Variants in STAU2 observed in about 807,000 individuals in gnomAD.
The protein encoded by STAU2 is staufen double-stranded RNA binding protein 2, also known as double-stranded RNA-binding protein Staufen homolog 2.
Under a neutral mutation model 65.9 loss-of-function variants are expected in STAU2, and 20 were observed. That is an observed-to-expected ratio of 0.30 (90% CI 0.21 to 0.44). STAU2 has a LOEUF of 0.44. STAU2 is among the 20% of genes least tolerant of loss of function. STAU2 has a pLI of 1.00. For synonymous variants in STAU2, 232 were observed against 233.9 expected, an observed-to-expected ratio of 0.99 and a Z score of 0.07; for missense variants, 558 against 683.9, an observed-to-expected ratio of 0.82 and a Z score of 2.05.
chr8:73,550,331 G>A, intron 13 of STAU2: 1 of 983,276 alleles, frequency 1.0e-6, no homozygotes, highest in Non-Finnish European at 1.2e-6. Context: ...GTGAAGATAT[G>A]TTAAAATTAT....
chr8:73,500,812 A>G (rs1176570020), intron 13 of STAU2, among the ~76,000 whole-genome samples: 1 of 151,922 alleles, frequency 6.6e-6, no homozygotes, highest in African/African-American at 2.4e-5. Context: ...GATTACACAA[A>G]TAATAAGTAA....
intron 13 of STAU2, chr8:73,551,222 G>T (rs1807313004): frequency 1.0e-6 from 1 of 987,500 alleles, no homozygotes; most frequent in Non-Finnish European, 1.2e-6. Context: ...TATCCATAAA[G>T]GAGTGCTGAT....
At chr8:73,432,397 T>C (rs1224563437) in intron 13 of STAU2, among the ~76,000 whole-genome samples, 1 of 152,240 alleles carries the variant, frequency 6.6e-6, no homozygotes, top group Non-Finnish European at 1.5e-5. Flanking sequence ...ACTGAATCTA[T>C]ATTAAATCAT....
chr8:73,450,559 G>A (rs1818749820), intron 13 of STAU2, among the ~76,000 whole-genome samples: 1 of 152,188 alleles, frequency 6.6e-6, no homozygotes, highest in African/African-American at 2.4e-5. Context: ...CAACTGGAAA[G>A]TTCAGGGCTT....
intron 6 of STAU2, among the ~76,000 whole-genome samples, chr8:73,654,637 CAAAAAAAA>C (rs71269928): frequency 1.1e-4 from 3 of 26,308 alleles, no homozygotes; most frequent in South Asian, 3.4e-3. Flanking sequence ...AAGATTGTCT[CAAAAAAAA>C]AAAAAAAAAA....
At position 73,421,156 on chromosome 8, in the gene STAU2, G is replaced by T; in HGVS notation, c.*216C>A. The T allele has an allele frequency of 9.9e-6, 5 of 503,584 alleles. No individual in the cohort carries two copies. Among genetic ancestry groups the T allele is most frequent in the Non-Finnish European group, 1.7e-5 (5 of 286,150 alleles). 31.2% of individuals were successfully genotyped at this position (503,584 alleles called of 1,614,324 possible). A position where few individuals can be genotyped will look rare whatever the true frequency, so the allele number is the denominator to read the frequency against. Reference sequence around the variant, plus strand: ...TGCTGCCTCTAGGCAAATGAGTTATGATCTGATCTCGAGTTCCAAGGGAAA... The same window carrying T: ...TGCTGCCTCTAGGCAAATGAGTTATTATCTGATCTCGAGTTCCAAGGGAAA... On this transcript the variant is annotated 3_prime_UTR_variant, in exon 15 of 15. Transcript: ENST00000524300.
intron 13 of STAU2, among the ~76,000 whole-genome samples, chr8:73,541,425 GTTT>G (rs1203457492): frequency 1.1e-4 from 17 of 152,286 alleles, no homozygotes; most frequent in Admixed American, 8.5e-4. Flanking sequence ...AAAGCTTGCA[GTTT>G]TAGCTTAAGC....
intron 6 of STAU2, among the ~76,000 whole-genome samples, chr8:73,654,173 G>A (rs1408503268): frequency 2.0e-5 from 3 of 152,040 alleles, no homozygotes; most frequent in Non-Finnish European, 2.9e-5. Flanking sequence ...AGATAAAACC[G>A]TGCTGCCCTC....
Position 73,617,307 on chromosome 8 carries a change from T to G in STAU2, c.555A>C (p.Pro185=). The G allele has an allele frequency of 6.2e-7, 1 of 1,614,096 alleles. No individual in the cohort carries two copies. Among genetic ancestry groups the G allele is most frequent in the Non-Finnish European group, 8.5e-7 (1 of 1,179,976 alleles). Residue 185 remains proline (P), a synonymous_variant, in exon 7 of 15, where the codon CCA becomes CCC. Coordinates refer to ENST00000524300, the MANE Select transcript of STAU2 (RefSeq NM_001164380.2). ...AGCACCACACCTGAGGAGATCTTTCTGGAATAGGTTCATTCTGCAGTGCTT... is the reference window on the plus strand; with the variant it reads ...AGCACCACACCTGAGGAGATCTTTCGGGAATAGGTTCATTCTGCAGTGCTT... The part of the protein sequence containing the change: ...ALQALQNEPI[P]ERSPQNGESG...
intron 3 of STAU2, among the ~76,000 whole-genome samples, chr8:73,734,181 TG>T (rs1806260666): frequency 6.6e-6 from 1 of 151,490 alleles, no homozygotes; most frequent in Non-Finnish European, 1.5e-5. Flanking sequence ...TGATTATCTC[TG>T]TAATAGAAGT....
At chr8:73,557,231 T>C (rs1181267037) in intron 12 of STAU2, among the ~76,000 whole-genome samples, 2 of 152,188 alleles carry the variant, frequency 1.3e-5, no homozygotes, top group Admixed American at 6.5e-5. Flanking sequence ...GCTCTCCTAT[T>C]CTACAGTAAA....
chr8:73,682,175 C>T (rs1205966127), intron 5 of STAU2, among the ~76,000 whole-genome samples: 1 of 152,108 alleles, frequency 6.6e-6, no homozygotes, highest in East Asian at 1.9e-4. Context: ...GCAAAATGCA[C>T]ATTGTATTCA....
chr8:73,704,635 T>A (rs1416048651), intron 4 of STAU2, among the ~76,000 whole-genome samples: 2 of 152,220 alleles, frequency 1.3e-5, no homozygotes, highest in Non-Finnish European at 2.9e-5. Flanking sequence ...AACGTTGGTA[T>A]CTATTTCAAA....
Position 73,631,941 on chromosome 8 carries a change from G to C in STAU2, c.411-14490C>G, listed in dbSNP as rs1814120736. On this transcript the variant is annotated intron_variant, in intron 6 of 14. Coordinates refer to ENST00000524300, the MANE Select transcript of STAU2 (RefSeq NM_001164380.2). ...AAAAGAGAACAGCCAAAAAGCTGAA[G>C]TTGCTCATTTTTATCTCAATGAGAG... Among the ~76,000 whole-genome samples, 3 of 144,606 alleles carry C rather than the reference G, an allele frequency of 2.1e-5. No homozygotes were observed. In the South Asian group the frequency reaches 7.2e-4, roughly 35 times the overall value. The allele number at this position is 144,606 out of a possible 152,430, so 94.9% of individuals were successfully genotyped here. A position where few individuals can be genotyped will look rare whatever the true frequency, so the allele number is the denominator to read the frequency against.
rs573572538 is a variant in STAU2, at chr8:73,609,292, G to C, written c.891+4452C>G. Among the ~76,000 whole-genome samples, 18 of 152,078 alleles carry C rather than the reference G, an allele frequency of 1.2e-4. No homozygotes were observed. In the South Asian group the frequency reaches 3.1e-3, roughly 26 times the overall value. On this transcript the variant is annotated intron_variant, in intron 9 of 14. Transcript: ENST00000524300. Reference sequence around the variant, plus strand: ...AATGGTTAGATGAAGGGAAAGGAAAGAGCAAAGGAAACTTTTAGCTTTTGA... The same window carrying C: ...AATGGTTAGATGAAGGGAAAGGAAACAGCAAAGGAAACTTTTAGCTTTTGA...
intron 3 of STAU2, 121 bp downstream of exon 3, chr8:73,738,163 A>C: frequency 1.1e-6 from 1 of 870,302 alleles, no homozygotes; most frequent in Non-Finnish European, 1.9e-6. Flanking sequence ...ACAGTAGGTA[A>C]CTGCTTTAAA....
intron 5 of STAU2, among the ~76,000 whole-genome samples, chr8:73,688,267 C>T (rs1173935377): frequency 6.6e-6 from 1 of 151,008 alleles, no homozygotes; most frequent in Non-Finnish European, 1.5e-5. Context: ...ACCTCCATCT[C>T]CCAGATTCAA....
rs1821443408 is a variant in STAU2 at position 73,496,767 on chromosome 8, G to GT, written c.1530+55244dup. 2.0e-5 allele frequency among the ~76,000 whole-genome samples: 3 copies of GT among 151,516 alleles called. No individual in the cohort carries two copies. The South Asian group carries it at 6.2e-4, about 31-fold the overall frequency. ...TTACTGAGATCATTTACATTCTTTT[G>GT]TTTTTTGGTGCTGCCTTTCAAATCC... On this transcript the variant is annotated intron_variant, in intron 13 of 14. Coordinates refer to ENST00000524300, the MANE Select transcript of STAU2 (RefSeq NM_001164380.2).
intron 9 of STAU2, among the ~76,000 whole-genome samples, chr8:73,607,647 G>C (rs1212825187): frequency 6.7e-6 from 1 of 149,644 alleles, no homozygotes; most frequent in Non-Finnish European, 1.5e-5. Flanking sequence ...TGAGGCAGGA[G>C]AATCACTTTA....
Sources: allele counts gnomAD v4.1 joint callset (sites outside exome capture counted in the v4.1 genomes callset), GRCh38; gene constraint gnomAD v4.1.1; transcripts MANE v1.5; gene names NCBI Gene and HGNC (gene_info 2026-07-23, HGNC 2026-07-21).